The following PDE1A variants were observed in gnomAD, a reference collection of about 807,000 sequenced individuals.
The protein encoded by PDE1A is dual specificity calcium/calmodulin-dependent 3',5'-cyclic nucleotide phosphodiesterase 1A.
PDE1A carries 35 observed loss-of-function variants against 61.7 expected under a neutral mutation model. The ratio of observed to expected loss-of-function variants is 0.57; its 90% confidence interval spans 0.43 to 0.75. The LOEUF is 0.75. PDE1A is among the 30% of genes least tolerant of loss of function. PDE1A has a pLI of 0.00. For missense variants in PDE1A, 597 were observed against 630.6 expected (o/e 0.95, Z 0.57); for synonymous variants, 232 against 213.2 (o/e 1.09, Z -0.77).
At chr2:182,364,489 A>C (rs888569040) in intron 1 of PDE1A, among the ~76,000 whole-genome samples, 5 of 145,590 alleles carry the variant, frequency 3.4e-5, no homozygotes, top group African/African-American at 7.6e-5. Context: ...AAAAAAAAAA[A>C]AAAAAAAAAA....
chr2:182,547,480 TAATC>T, the PDE1A span, among the ~76,000 whole-genome samples: 3 of 152,214 alleles, frequency 2.0e-5, no homozygotes, highest in African/African-American at 7.2e-5. Context: ...GGGAACTAAT[TAATC>T]AACGACATCA....
At chr2:182,364,966 G>T (rs778903352) in intron 1 of PDE1A, among the ~76,000 whole-genome samples, 1 of 152,030 alleles carries the variant, frequency 6.6e-6, no homozygotes, top group African/African-American at 2.4e-5. Context: ...TCTGGTTTAG[G>T]CCTCCTAAAA....
At chr2:182,246,418 T>A (rs1349362605) in intron 2 of PDE1A, among the ~76,000 whole-genome samples, 26 of 130,342 alleles carry the variant, frequency 2.0e-4, no homozygotes, top group Non-Finnish European at 3.8e-4. Flanking sequence ...TTTTTTTTTT[T>A]TTTTTGACAG....
chr2:182,230,073 T>C, exon 6 of PDE1A: 1 of 1,613,016 alleles, frequency 6.2e-7, no homozygotes, highest in Non-Finnish European at 8.5e-7. Context: ...AATCAAATTG[T>C]GATATGGATT....
intron 6 of PDE1A, among the ~76,000 whole-genome samples, chr2:182,228,924 T>C (rs1433194567): frequency 6.6e-6 from 1 of 152,178 alleles, no homozygotes; most frequent in Non-Finnish European, 1.5e-5. Flanking sequence ...AGAAAGTGAC[T>C]ATGTGATCTT....
At chr2:182,459,730 A>C (rs984223160) in intron 2 of PDE1A, among the ~76,000 whole-genome samples, 31 of 152,270 alleles carry the variant, frequency 2.0e-4, no homozygotes, top group African/African-American at 7.0e-4. Context: ...ATAACTACCA[A>C]CATTCAATGA....
chr2:182,694,059 C>T, the PDE1A span, among the ~76,000 whole-genome samples: 1 of 152,256 alleles, frequency 6.6e-6, no homozygotes, highest in Non-Finnish European at 1.5e-5. Context: ...ATCTAAGAGA[C>T]CATTGCCTAA....
intron 2 of PDE1A, among the ~76,000 whole-genome samples, chr2:182,432,672 GTTAAA>G (rs1704016026): frequency 6.6e-6 from 1 of 152,002 alleles, no homozygotes; most frequent in Non-Finnish European, 1.5e-5. Context: ...AGTAATATCT[GTTAAA>G]TGTGTAATCT....
chr2:182,686,909 T>C, the PDE1A span, among the ~76,000 whole-genome samples: 104,911 of 152,178 alleles, frequency 0.69, 36,460 homozygotes, highest in African/African-American at 0.76. Flanking sequence ...GAGGGTCCCA[T>C]GCCCATGGAG....
upstream of PDE1A, among the ~76,000 whole-genome samples, chr2:182,427,973 A>G (rs1025321660): frequency 7.2e-5 from 11 of 152,184 alleles, no homozygotes; most frequent in African/African-American, 2.4e-4. Flanking sequence ...ACAAAGGAGG[A>G]TACTATCTGT....
At chr2:182,603,050 G>T in the PDE1A span, among the ~76,000 whole-genome samples, 1 of 144,896 alleles carries the variant, frequency 6.9e-6, no homozygotes, top group African/African-American at 2.7e-5. Flanking sequence ...AGTTTGGTGG[G>T]GGAAGCTGAT....
chr2:182,377,694 G>A (rs1235187347), intron 1 of PDE1A, among the ~76,000 whole-genome samples: 1 of 152,074 alleles, frequency 6.6e-6, no homozygotes. Context: ...ATTTACTCAA[G>A]AGAAATGAAA....
the PDE1A span, among the ~76,000 whole-genome samples, chr2:182,671,496 G>A: frequency 1.3e-5 from 2 of 150,524 alleles, no homozygotes; most frequent in Non-Finnish European, 3.0e-5. Context: ...CCTGGATCAC[G>A]CTTTTGAGTG....
chr2:182,525,908 T>A (rs1167646465), upstream of PDE1A, among the ~76,000 whole-genome samples: 2 of 151,494 alleles, frequency 1.3e-5, no homozygotes, highest in Admixed American at 6.6e-5. Flanking sequence ...CATGAGTTAA[T>A]ATACCTGAAA....
chr2:182,501,166 C>T (rs1384542496), intron 2 of PDE1A, among the ~76,000 whole-genome samples: 2 of 152,156 alleles, frequency 1.3e-5, no homozygotes, highest in South Asian at 2.1e-4. Flanking sequence ...AGAGGCACAA[C>T]GACCCTTATA....
chr2:182,565,998 T>C, the PDE1A span, among the ~76,000 whole-genome samples: 2 of 152,140 alleles, frequency 1.3e-5, no homozygotes, highest in Admixed American at 1.3e-4. Context: ...AGACACAGAA[T>C]ACAAAATTTA....
the PDE1A span, among the ~76,000 whole-genome samples, chr2:182,533,785 T>C: frequency 3.9e-5 from 6 of 152,092 alleles, no homozygotes; most frequent in Non-Finnish European, 8.8e-5. Context: ...TTAATGTTGA[T>C]AGATCAAGGT....
the PDE1A span, among the ~76,000 whole-genome samples, chr2:182,623,480 C>G: frequency 6.6e-6 from 1 of 152,170 alleles, no homozygotes; most frequent in African/African-American, 2.4e-5. Flanking sequence ...AGGGTTCTTA[C>G]CAGCAAACTG....
intron 11 of PDE1A, 145 bp downstream of exon 11, chr2:182,188,834 C>T: frequency 5.3e-6 from 3 of 562,770 alleles, no homozygotes; most frequent in Non-Finnish European, 9.6e-6. Context: ...TATTCAGCAC[C>T]ACATAGATCC....
Sources: gnomAD v4.1 joint callset for allele counts (sites outside exome capture counted in the v4.1 genomes callset) on GRCh38, gnomAD v4.1.1 for gene constraint, MANE v1.5 for transcripts, NCBI Gene and HGNC (gene_info 2026-07-23, HGNC 2026-07-21) for gene names.